MS4A4E: variants seen among roughly 807,000 people sequenced by gnomAD.
MS4A4E encodes the protein putative membrane-spanning 4-domains subfamily A member 4E.
Under a neutral mutation model 13.3 loss-of-function variants are expected in MS4A4E, and 23 were observed. That is an observed-to-expected ratio of 1.73 (90% CI 1.25 to 2.45). The LOEUF (loss-of-function observed/expected upper bound fraction) is 2.45, where lower values mean the gene tolerates loss of function less well. MS4A4E is among the 30% of genes most tolerant of loss of function. The probability of loss-of-function intolerance (pLI) is 0.00; values close to 1 mark genes in which losing one functional copy is unlikely to be tolerated. For synonymous variants in MS4A4E, 36 were observed against 45.6 expected (o/e 0.79, Z 0.85); for missense variants, 144 against 131.2 (o/e 1.10, Z -0.48).
chr11:60,206,407 A>G (rs1038135393), intron 6 of MS4A4E, among the ~76,000 whole-genome samples: 13 of 147,968 alleles, frequency 8.8e-5, no homozygotes, highest in Admixed American at 4.8e-4. Context: ...TAAAGGGCCA[A>G]TGAAATTAGT....
rs1361450598 is a variant in MS4A4E, at chr11:60,236,472, C to A, written c.-16-6401G>T. 3.3e-5 allele frequency among the ~76,000 whole-genome samples: 5 copies of A among 151,640 alleles called. No individual in the cohort carries two copies. In the South Asian group the frequency reaches 6.3e-4, roughly 19 times the overall value. ...CATTTGTTTAAATTTTCTTTAATTTCTTTTAACATTTTGTAGTATTCGATG... is the reference window on the plus strand; with the variant it reads ...CATTTGTTTAAATTTTCTTTAATTTATTTTAACATTTTGTAGTATTCGATG... On this transcript the variant is annotated intron_variant, in intron 1 of 8. Coordinates refer to ENST00000651255, the MANE Select transcript of MS4A4E (RefSeq NM_001393391.1).
At chr11:60,236,748 A>T (rs58729141) in intron 1 of MS4A4E, among the ~76,000 whole-genome samples, 2,836 of 146,716 alleles carry the variant, frequency 0.019, 107 homozygotes, top group African/African-American at 0.065. Flanking sequence ...TTTTTTTTTT[A>T]AATTTTGAAA....
intron 1 of MS4A4E, among the ~76,000 whole-genome samples, chr11:60,237,700 T>A (rs633463): frequency 6.6e-6 from 1 of 151,968 alleles, no homozygotes; most frequent in East Asian, 1.9e-4. Context: ...TCTCTAATGA[T>A]CAGTGATGTT....
intron 8 of MS4A4E, among the ~76,000 whole-genome samples, chr11:60,204,574 G>T (rs2084017784): frequency 6.6e-6 from 1 of 152,174 alleles, no homozygotes; most frequent in African/African-American, 2.4e-5. Flanking sequence ...TGGGCTTGAA[G>T]CTGTGAAGAG....
chr11:60,232,434 GGAA>G (rs1038763521), intron 1 of MS4A4E, among the ~76,000 whole-genome samples: 1 of 152,082 alleles, frequency 6.6e-6, no homozygotes, highest in South Asian at 2.1e-4. Context: ...AATGGCTGCA[GGAA>G]GAAGGAGAGA....
chr11:60,223,921 G>C (rs973041590), intron 3 of MS4A4E, among the ~76,000 whole-genome samples: 2 of 151,998 alleles, frequency 1.3e-5, no homozygotes, highest in Non-Finnish European at 2.9e-5. Flanking sequence ...TATCCTATTA[G>C]TTATGTCCCT....
chr11:60,218,585 A>G (rs996682945), intron 3 of MS4A4E, among the ~76,000 whole-genome samples: 4 of 152,086 alleles, frequency 2.6e-5, no homozygotes, highest in Non-Finnish European at 5.9e-5. Context: ...ACAGAAAAGA[A>G]CCTACGTGAC....
chr11:60,213,109 A>T lies in MS4A4E; in HGVS notation c.246T>A (p.Asn82Lys). The change falls in exon 5 of 9, where the codon AAT (asparagine) becomes AAA (lysine). Residue 82 changes from asparagine (N) to lysine (K), a missense_variant. Coordinates refer to ENST00000651255, the MANE Select transcript of MS4A4E (RefSeq NM_001393391.1). ...KGLVGGSLGK[N>K]ITSSVLAISG... The stretch of plus-strand genomic sequence containing the variant: ...ATATAGCCAAGACTGAACTGGTGAT[A>T]TTCTTTCCTAGACTACCTCCAACCT... The T allele has an allele frequency of 1.7e-6, 1 of 605,642 alleles. No homozygotes were observed. The highest frequency in any genetic ancestry group is 2.8e-6 in the Non-Finnish European group (1 of 352,718). 37.5% of individuals were successfully genotyped at this position (605,642 alleles called of 1,614,324 possible).
At chr11:60,212,027 A>G (rs973005006) in intron 5 of MS4A4E, among the ~76,000 whole-genome samples, 1 of 152,154 alleles carries the variant, frequency 6.6e-6, no homozygotes, top group Non-Finnish European at 1.5e-5. Context: ...CACTTACCCA[A>G]TGGCCCAAAA....
In MS4A4E at chr11:60,243,037, A is replaced by G; in HGVS notation, c.-96T>C. ...CAAGTTCCTCAAAGTTCTTTGTTCC[A>G]GACACAGTCAGCTTCCCCCACTCCA... On this transcript the variant is annotated 5_prime_UTR_variant, in exon 1 of 9. Coordinates refer to ENST00000651255, the MANE Select transcript of MS4A4E (RefSeq NM_001393391.1). 1 of 1,377,550 alleles carries G rather than the reference A, an allele frequency of 7.3e-7. No homozygotes were observed. Among genetic ancestry groups the G allele is most frequent in the Admixed American group, 2.1e-5 (1 of 47,918 alleles). 85.3% of individuals were successfully genotyped at this position (1,377,550 alleles called of 1,614,324 possible). A position where few individuals can be genotyped will look rare whatever the true frequency, so the allele number is the denominator to read the frequency against.
rs747864082 is a variant in MS4A4E, at chr11:60,201,755, C to G, written c.784G>C (p.Gly262Arg). The G allele has an allele frequency of 4.4e-6, 1 of 226,112 alleles. No homozygotes were observed. Among genetic ancestry groups the G allele is most frequent in the East Asian group, 1.8e-4 (1 of 5,688 alleles). 14.0% of individuals were successfully genotyped at this position (226,112 alleles called of 1,614,324 possible). A position where few individuals can be genotyped will look rare whatever the true frequency, so the allele number is the denominator to read the frequency against. Residue 262 changes from glycine (G) to arginine (R), a missense_variant, in exon 9 of 9, where the codon GGC (glycine) becomes CGC (arginine). Gly to Arg is a moderately radical substitution (Grantham distance 125). Coordinates refer to ENST00000651255, the MANE Select transcript of MS4A4E (RefSeq NM_001393391.1). The part of the protein sequence containing the change: ...PKVPRVQPLP[G>R]RHPVWEVRSV... ...CTCACTTCCCAGACGGGGTGGCGGC[C>G]GGGCAGAGGCTGCACTCTCGGCACT...
At chr11:60,216,389 C>G (rs1422091221) in intron 3 of MS4A4E, among the ~76,000 whole-genome samples, 2 of 151,932 alleles carry the variant, frequency 1.3e-5, no homozygotes, top group Non-Finnish European at 2.9e-5. Context: ...ATGGAGTGAC[C>G]CTATTTGAAC....
rs3221531 is a variant in MS4A4E at position 60,232,284 on chromosome 11, AACACACAC to A, written c.-16-2221_-16-2214del. On this transcript the variant is annotated intron_variant, in intron 1 of 8. Transcript: ENST00000651255. ...AGAAGTTACTAACCTCATCGCCATCAACACACACACACACACACACACACACACACACA... is the reference window on the plus strand; with the variant it reads ...AGAAGTTACTAACCTCATCGCCATCAACACACACACACACACACACACACA... Among the ~76,000 whole-genome samples, 35 of 130,242 alleles carry A rather than the reference AACACACAC, an allele frequency of 2.7e-4. 1 individual carries two copies. Among genetic ancestry groups the A allele is most frequent in the South Asian group, 1.7e-3 (7 of 4,128 alleles). The allele number at this position is 130,242 out of a possible 152,430, so 85.4% of individuals were successfully genotyped here.
At chr11:60,236,503 G>A (rs779299326) in intron 1 of MS4A4E, among the ~76,000 whole-genome samples, 1 of 151,798 alleles carries the variant, frequency 6.6e-6, no homozygotes, top group Non-Finnish European at 1.5e-5. Context: ...CGATGTACAA[G>A]TCTTGTGCTT....
intron 6 of MS4A4E, among the ~76,000 whole-genome samples, chr11:60,207,178 G>A (rs2084058718): frequency 6.6e-6 from 1 of 152,144 alleles, no homozygotes; most frequent in African/African-American, 2.4e-5. Context: ...ACTAAGAAAA[G>A]TTCTGGTTAT....
Position 60,230,061 on chromosome 11 carries a change from C to T in MS4A4E, c.-6G>A. 1 of 1,579,186 alleles carries T rather than the reference C, an allele frequency of 6.3e-7. No homozygotes were observed. Among genetic ancestry groups the T allele is most frequent in the Non-Finnish European group, 8.6e-7 (1 of 1,167,218 alleles). On this transcript the variant is annotated 5_prime_UTR_variant, in exon 2 of 9. Transcript: ENST00000651255. ...ATTCCTTGCATGGTTGTCATGGCAG[C>T]AGAAAAGGTGCTACAATAAGAAATG...
chr11:60,233,467 G>A (rs182860641), intron 1 of MS4A4E, among the ~76,000 whole-genome samples: 1 of 152,350 alleles, frequency 6.6e-6, no homozygotes, highest in East Asian at 1.9e-4. Context: ...TACAGCCTTA[G>A]CTTTGTGGGT....
chr11:60,204,076 G>A (rs2084013120), intron 8 of MS4A4E, among the ~76,000 whole-genome samples: 1 of 152,164 alleles, frequency 6.6e-6, no homozygotes. Context: ...TAAACCAACA[G>A]AAGGCATTCT....
intron 3 of MS4A4E, among the ~76,000 whole-genome samples, chr11:60,226,605 CT>C (rs2084348066): frequency 6.6e-6 from 1 of 152,130 alleles, no homozygotes; most frequent in African/African-American, 2.4e-5. Context: ...ATTATAAAAA[CT>C]TTTGAAAAAC....
Sources: allele counts gnomAD v4.1 joint callset (sites outside exome capture counted in the v4.1 genomes callset), GRCh38; gene constraint gnomAD v4.1.1; transcripts MANE v1.5; gene names NCBI Gene and HGNC (gene_info 2026-07-23, HGNC 2026-07-21).